Variants in DLG2 observed in about 807,000 individuals in gnomAD.
DLG2 encodes disks large homolog 2.
In DLG2, 45 loss-of-function variants were observed where a neutral mutation model predicts 132.5. The observed-to-expected ratio is 0.34, with a 90% CI of 0.27 to 0.44. The LOEUF is 0.44. Ranked by LOEUF, DLG2 falls within the 20% of genes least tolerant of loss-of-function variation. The pLI is 1.00. For missense variants in DLG2, 1,045 were observed against 1,196.9 expected (o/e 0.87, Z 1.87); for synonymous variants, 424 against 419.6 (o/e 1.01, Z -0.13).
At chr11:83,854,861 A>G (rs1312152337) in intron 16 of DLG2, among the ~76,000 whole-genome samples, 1 of 150,608 alleles carries the variant, frequency 6.6e-6, no homozygotes, top group Non-Finnish European at 1.5e-5. Flanking sequence ...CAACGTCAAG[A>G]GAATGAAATG....
At chr11:83,988,725 A>G (rs1241264141) in intron 11 of DLG2, among the ~76,000 whole-genome samples, 2 of 152,110 alleles carry the variant, frequency 1.3e-5, no homozygotes, top group South Asian at 2.1e-4. Flanking sequence ...GTTCTGCTAC[A>G]TGGAATATGC....
At chr11:84,906,135 A>T (rs866675408) in intron 6 of DLG2, among the ~76,000 whole-genome samples, 1 of 151,414 alleles carries the variant, frequency 6.6e-6, no homozygotes, top group Non-Finnish European at 1.5e-5. Context: ...TTAGGAATAC[A>T]CTCTATAATT....
intron 16 of DLG2, among the ~76,000 whole-genome samples, chr11:83,849,787 A>T: frequency 6.6e-6 from 1 of 150,788 alleles, no homozygotes; most frequent in African/African-American, 2.4e-5. Flanking sequence ...ATAAAATATT[A>T]CATTTATAAC....
chr11:84,212,321 G>A (rs1271045643), intron 8 of DLG2, among the ~76,000 whole-genome samples: 2 of 152,152 alleles, frequency 1.3e-5, no homozygotes, highest in Non-Finnish European at 1.5e-5. Context: ...TGTTTGCAGG[G>A]CTGGATCCAG....
chr11:85,461,713 T>C lies in DLG2; in HGVS notation c.40+136944A>G, dbSNP rs1597525977. 4.6e-5 allele frequency among the ~76,000 whole-genome samples: 7 copies of C among 152,314 alleles called. No individual in the cohort carries two copies. The South Asian group carries it at 1.5e-3, about 32-fold the overall frequency. On this transcript the variant is annotated intron_variant, in intron 3 of 27. Transcript: ENST00000376104. ...CAGCAGCAAAAAAGGAGACGGAAAC[T>C]GACAAAGGGAGATGTCAATCTAGCA...
At chr11:85,583,116 GTGTGTGTGTGTGTGTATATATATATA>G (rs1565717319) in intron 3 of DLG2, among the ~76,000 whole-genome samples, 11 of 55,322 alleles carry the variant, frequency 2.0e-4, no homozygotes, top group Non-Finnish European at 3.1e-4. Flanking sequence ...GTGTGTGTGT[GTGTGTGTGTGTGTGTATATATATATA>G]TATATATATA....
intron 6 of DLG2, among the ~76,000 whole-genome samples, chr11:84,606,731 G>A (rs979959480): frequency 6.6e-6 from 1 of 152,010 alleles, no homozygotes; most frequent in African/African-American, 2.4e-5. Flanking sequence ...GGAAGGAAAA[G>A]GAAAATGATC....
At chr11:84,084,713 C>A (rs1439857295) in intron 10 of DLG2, among the ~76,000 whole-genome samples, 1 of 151,774 alleles carries the variant, frequency 6.6e-6, no homozygotes, top group Non-Finnish European at 1.5e-5. Context: ...ATTCTGTTAA[C>A]TTACCTTTTT....
Position 85,262,004 on chromosome 11 carries a change from G to A in DLG2, c.186+23216C>T, listed in dbSNP as rs1025887761. On this transcript the variant is annotated intron_variant, in intron 4 of 27. Coordinates refer to ENST00000376104, the MANE Select transcript of DLG2 (RefSeq NM_001142699.3). ...AGAAAAAAGTTCATCTAAAATGTCA[G>A]GAGAGTCACTGAGGCTAGAGAATTT... is the stretch of plus-strand genomic sequence containing the variant. Among the ~76,000 whole-genome samples, 7 of 152,272 alleles carry A rather than the reference G, an allele frequency of 4.6e-5. No homozygotes were observed. The South Asian group carries it at 6.2e-4, about 14-fold the overall frequency.
At chr11:84,212,293 T>G (rs556897727) in intron 8 of DLG2, among the ~76,000 whole-genome samples, 107 of 152,326 alleles carry the variant, frequency 7.0e-4, no homozygotes, top group African/African-American at 2.5e-3. Context: ...AGCATAATGA[T>G]TCTCACAATA....
chr11:85,299,908 A>T (rs2152789527), intron 3 of DLG2, among the ~76,000 whole-genome samples: 1 of 152,360 alleles, frequency 6.6e-6, no homozygotes, highest in Non-Finnish European at 1.5e-5. Context: ...TTATAAAACT[A>T]TAACACATAC....
At chr11:85,347,174 T>A (rs1243489210) in intron 3 of DLG2, among the ~76,000 whole-genome samples, 3 of 152,118 alleles carry the variant, frequency 2.0e-5, no homozygotes, top group Non-Finnish European at 2.9e-5. Flanking sequence ...ACCCAAATTA[T>A]GACATTTGGG....
At chr11:83,632,485 A>T (rs2063730007) in intron 19 of DLG2, 1 of 152,230 alleles carries the variant, frequency 6.6e-6, no homozygotes, top group African/African-American at 2.4e-5. Context: ...TTAAAAGTAC[A>T]GTCAGCACTG....
chr11:83,863,118 G>A (rs2061714542), intron 16 of DLG2, among the ~76,000 whole-genome samples: 1 of 152,202 alleles, frequency 6.6e-6, no homozygotes, highest in Non-Finnish European at 1.5e-5. Flanking sequence ...ATGAAACAGA[G>A]ATCAGTGGAG....
chr11:85,445,598 T>G (rs2091974019), intron 3 of DLG2, among the ~76,000 whole-genome samples: 1 of 152,174 alleles, frequency 6.6e-6, no homozygotes, highest in South Asian at 2.1e-4. Context: ...GAGAATCGCC[T>G]GAACCTGGGA....
chr11:84,939,732 T>C (rs2049161692), intron 6 of DLG2, among the ~76,000 whole-genome samples: 1 of 152,222 alleles, frequency 6.6e-6, no homozygotes, highest in African/African-American at 2.4e-5. Flanking sequence ...GTTCTATCCA[T>C]GGTATTGCAA....
intron 3 of DLG2, among the ~76,000 whole-genome samples, chr11:85,318,112 G>A (rs1021930585): frequency 3.3e-5 from 5 of 151,804 alleles, no homozygotes; most frequent in Admixed American, 1.3e-4. Flanking sequence ...AAAAAAAGTA[G>A]AAGCAGTATT....
chr11:84,563,716 C>T (rs1374345996), intron 6 of DLG2, among the ~76,000 whole-genome samples: 3 of 152,198 alleles, frequency 2.0e-5, no homozygotes. Flanking sequence ...GTTAAATGTA[C>T]ACCAGAATCA....
chr11:84,898,866 T>G (rs1156318705), intron 6 of DLG2, among the ~76,000 whole-genome samples: 1 of 152,086 alleles, frequency 6.6e-6, no homozygotes, highest in Non-Finnish European at 1.5e-5. Context: ...ATTTGTGTAG[T>G]AAGCTCTGTA....
Sources: gnomAD v4.1 joint callset for allele counts (sites outside exome capture counted in the v4.1 genomes callset) on GRCh38, gnomAD v4.1.1 for gene constraint, MANE v1.5 for transcripts, NCBI Gene and HGNC (gene_info 2026-07-23, HGNC 2026-07-21) for gene names.